TMOD2: variants seen among roughly 807,000 people sequenced by gnomAD.
TMOD2 encodes tropomodulin 2.
A neutral mutation model predicts 39.9 loss-of-function variants in TMOD2; 22 were observed. That is an observed-to-expected ratio of 0.55 (90% CI 0.39 to 0.79). TMOD2 has a LOEUF of 0.79. Among genes scored for constraint, TMOD2 ranks in the 30% least tolerant of loss-of-function variants. TMOD2 has a pLI of 0.00. For synonymous variants in TMOD2, 123 were observed against 146.1 expected (o/e 0.84, Z 1.14); for missense variants, 386 against 413.3 (o/e 0.93, Z 0.57).
At chr15:51,774,477 A>C (rs1234816481) in intron 4 of TMOD2, among the ~76,000 whole-genome samples, 4 of 152,210 alleles carry the variant, frequency 2.6e-5, no homozygotes, top group Non-Finnish European at 4.4e-5. Context: ...TTATTAGATG[A>C]CCACAGGATA....
intron 8 of TMOD2, among the ~76,000 whole-genome samples, chr15:51,803,713 A>C (rs970622023): frequency 1.3e-5 from 2 of 152,228 alleles, no homozygotes; most frequent in African/African-American, 2.4e-5. Context: ...CATTTGACAA[A>C]GGGCTAATTT....
rs75159124 is a variant in TMOD2 at position 51,768,969 on chromosome 15, C to G, written c.283+551C>G. On this transcript the variant is annotated intron_variant, in intron 3 of 9. Coordinates refer to ENST00000249700, the MANE Select transcript of TMOD2 (RefSeq NM_014548.4). The stretch of plus-strand genomic sequence containing the variant: ...GGCCAAACCCATAAGATGTGTAACA[C>G]CAAGAGTGAACCCTAATGGAAACTG... Among the ~76,000 whole-genome samples, 36 of 152,298 alleles carry G rather than the reference C, an allele frequency of 2.4e-4. 1 individual carries two copies. The East Asian group carries it at 4.4e-3, about 19-fold the overall frequency.
intron 2 of TMOD2, 142 bp downstream of exon 2, chr15:51,766,709 GT>G: frequency 1.1e-6 from 1 of 870,002 alleles, no homozygotes; most frequent in Non-Finnish European, 1.7e-6. Context: ...GGTCACCTGT[GT>G]TTACAAATTC....
chr15:51,786,602 C>T (rs564596546), intron 7 of TMOD2, among the ~76,000 whole-genome samples: 1 of 152,162 alleles, frequency 6.6e-6, no homozygotes, highest in Non-Finnish European at 1.5e-5. Flanking sequence ...GAATGCTGAA[C>T]TAAGATTACA....
chr15:51,755,548 C>G (rs527973209), intron 1 of TMOD2, among the ~76,000 whole-genome samples: 12 of 152,268 alleles, frequency 7.9e-5, no homozygotes, highest in African/African-American at 2.6e-4. Context: ...AGAAAGGAGA[C>G]AAGCTGGGGC....
chr15:51,799,454 C>G (rs1014259964), intron 8 of TMOD2, among the ~76,000 whole-genome samples: 2 of 152,216 alleles, frequency 1.3e-5, no homozygotes, highest in Non-Finnish European at 2.9e-5. Context: ...CTAACCAGGA[C>G]AAGCAGACTG....
At chr15:51,771,633 C>A (rs184190538) in intron 3 of TMOD2, among the ~76,000 whole-genome samples, 1 of 152,268 alleles carries the variant, frequency 6.6e-6, no homozygotes, top group East Asian at 1.9e-4. Flanking sequence ...CCACTGCACT[C>A]CAGCCTGGGT....
At chr15:51,770,729 C>T (rs1468414154) in intron 3 of TMOD2, among the ~76,000 whole-genome samples, 1 of 152,102 alleles carries the variant, frequency 6.6e-6, no homozygotes, top group Admixed American at 6.6e-5. Flanking sequence ...CCCATGAACC[C>T]AGGAGTTCAG....
At chr15:51,758,158 GT>G (rs922712103) in intron 1 of TMOD2, among the ~76,000 whole-genome samples, 7 of 149,428 alleles carry the variant, frequency 4.7e-5, no homozygotes, top group African/African-American at 9.8e-5. Flanking sequence ...GAGGATGCAA[GT>G]TTTTTTTTTC....
rs1371122772 is a variant in TMOD2 at position 51,751,678 on chromosome 15, C to T, written c.-104C>T. The T allele has an allele frequency of 6.1e-6, 1 of 162,778 alleles. No individual in the cohort carries two copies. Among genetic ancestry groups the T allele is most frequent in the East Asian group, 1.7e-4 (1 of 5,722 alleles). 10.1% of individuals were successfully genotyped at this position (162,778 alleles called of 1,614,324 possible). Reference sequence around the variant, plus strand: ...CCACCGGGGCTGACGGACTGACGGCCAGCACAGCCGGCTCCGGGATGAGCG... The same window carrying T: ...CCACCGGGGCTGACGGACTGACGGCTAGCACAGCCGGCTCCGGGATGAGCG... On this transcript the variant is annotated 5_prime_UTR_variant, in exon 1 of 10. Transcript: ENST00000249700.
intron 1 of TMOD2, among the ~76,000 whole-genome samples, chr15:51,755,715 C>A (rs571360229): frequency 2.6e-5 from 4 of 152,190 alleles, no homozygotes; most frequent in African/African-American, 9.6e-5. Flanking sequence ...CCTTCTATAC[C>A]AGTTGCTAAA....
At chr15:51,774,594 A>G (rs80275868) in intron 4 of TMOD2, among the ~76,000 whole-genome samples, 4,819 of 152,278 alleles carry the variant, frequency 0.032, 122 homozygotes, top group Non-Finnish European at 0.05. Context: ...TTATTCTAAA[A>G]TGTACCAGCC....
Position 51,768,362 on chromosome 15 carries a change from A to C in TMOD2, c.227A>C (p.Glu76Ala), listed in dbSNP as rs776247545. 5 of 1,614,106 alleles carry C rather than the reference A, an allele frequency of 3.1e-6. No homozygotes were observed. The highest frequency in any genetic ancestry group is 3.4e-6 in the Non-Finnish European group (4 of 1,180,014). Residue 76 changes from glutamate to alanine, a missense_variant, in exon 3 of 10, where the codon GAG becomes GCG. By Grantham distance (107) the Glu-to-Ala change is moderately radical. Coordinates refer to ENST00000249700, the MANE Select transcript of TMOD2 (RefSeq NM_014548.4). ...CACCTCCTCATGTACCTGGAGAAGG[A>C]GGCTTTGGAACAGAAAGACAGAGAG... ...REHLLMYLEKEALEQKDREDF... is the reference protein window; with the variant it reads ...REHLLMYLEKAALEQKDREDF...
At chr15:51,761,330 G>C (rs1218967577) in intron 1 of TMOD2, among the ~76,000 whole-genome samples, 1 of 152,140 alleles carries the variant, frequency 6.6e-6, no homozygotes, top group Non-Finnish European at 1.5e-5. Context: ...GTCTGAAGCT[G>C]GTCTGAGTGT....
chr15:51,804,553 A>C (rs953995832), intron 8 of TMOD2, among the ~76,000 whole-genome samples: 1 of 150,936 alleles, frequency 6.6e-6, no homozygotes, highest in African/African-American at 2.4e-5. Context: ...ACAAGCCTGT[A>C]CGTTTTGTTT....
At chr15:51,775,570 CTTT>C (rs869308022) in intron 4 of TMOD2, among the ~76,000 whole-genome samples, 2 of 81,210 alleles carry the variant, frequency 2.5e-5, no homozygotes, top group Non-Finnish European at 4.3e-5. Context: ...ATTCTTTTTC[CTTT>C]TTTTTTTTTT....
intron 8 of TMOD2, among the ~76,000 whole-genome samples, chr15:51,801,237 T>TCA (rs546562505): frequency 0.045 from 4,602 of 102,010 alleles, 144 homozygotes; most frequent in East Asian, 0.094. Flanking sequence ...TCTCTCTCTC[T>TCA]CACACACACA....
rs2093552172 is a variant in TMOD2, at chr15:51,810,546, T to C, written c.*2092T>C. On this transcript the variant is annotated 3_prime_UTR_variant, in exon 10 of 10. Transcript: ENST00000249700. ...TAGCAATATGTAAGAAATTGGGGTT[T>C]TCTCCCTCTCCAGATTGCTGGTTGA... The C allele has an allele frequency of 6.6e-6, 1 of 152,208 alleles. No homozygotes were observed. The highest frequency in any genetic ancestry group is 2.4e-5 in the African/African-American group (1 of 41,456). 9.4% of individuals were successfully genotyped at this position (152,208 alleles called of 1,614,324 possible). A position where few individuals can be genotyped will look rare whatever the true frequency, so the allele number is the denominator to read the frequency against.
intron 2 of TMOD2, among the ~76,000 whole-genome samples, chr15:51,767,353 A>G (rs975964813): frequency 1.3e-5 from 2 of 152,166 alleles, no homozygotes; most frequent in Non-Finnish European, 2.9e-5. Flanking sequence ...AAAATATCTC[A>G]TTTCTTTCAA....
Sources: allele counts gnomAD v4.1 joint callset (sites outside exome capture counted in the v4.1 genomes callset), GRCh38; gene constraint gnomAD v4.1.1; transcripts MANE v1.5; gene names NCBI Gene and HGNC (gene_info 2026-07-23, HGNC 2026-07-21).